CDH13: variants seen among roughly 807,000 people sequenced by gnomAD.
The protein encoded by CDH13 is cadherin-13.
In CDH13, 24 loss-of-function variants were observed where a neutral mutation model predicts 63.8. The ratio of observed to expected loss-of-function variants is 0.38; its 90% confidence interval spans 0.27 to 0.53. The LOEUF (loss-of-function observed/expected upper bound fraction) is 0.53. Among genes scored for constraint, CDH13 ranks in the 20% least tolerant of loss-of-function variants. The pLI, the probability that CDH13 is intolerant of heterozygous loss-of-function variation, is 0.85. For missense variants in CDH13, 1,049 were observed against 903.1 expected (o/e 1.16, Z -2.07); for synonymous variants, 503 against 355.3 (o/e 1.42, Z -4.67).
chr16:83,424,970 T>G (rs930836484), intron 6 of CDH13, among the ~76,000 whole-genome samples: 6 of 152,184 alleles, frequency 3.9e-5, no homozygotes, highest in African/African-American at 1.4e-4. Context: ...AACCTTTTGC[T>G]GCAACAAAAA....
chr16:83,765,150 G>A (rs1241956363), intron 11 of CDH13, among the ~76,000 whole-genome samples: 1 of 152,108 alleles, frequency 6.6e-6, no homozygotes, highest in Non-Finnish European at 1.5e-5. Context: ...ATCTGTTCCT[G>A]CCATAGCATT....
At chr16:82,877,964 T>TAC (rs1228603713) in intron 2 of CDH13, among the ~76,000 whole-genome samples, 13 of 55,120 alleles carry the variant, frequency 2.4e-4, no homozygotes, top group South Asian at 9.8e-4. Context: ...CACACACATA[T>TAC]ACACACACAC....
chr16:82,630,064 G>C (rs977499660), intron 1 of CDH13, among the ~76,000 whole-genome samples: 1 of 152,196 alleles, frequency 6.6e-6, no homozygotes, highest in African/African-American at 2.4e-5. Context: ...ATAAAGTGGG[G>C]AGTTCTCTCT....
intron 8 of CDH13, among the ~76,000 whole-genome samples, chr16:83,646,712 A>AAAAAAAAAAC (rs1168012793): frequency 1.7e-4 from 14 of 80,522 alleles, no homozygotes; most frequent in African/African-American, 3.6e-4. Context: ...AAAAAAAAAA[A>AAAAAAAAAAC]ACACACACAC....
intron 7 of CDH13, among the ~76,000 whole-genome samples, chr16:83,583,760 GAA>G (rs1164720472): frequency 6.9e-6 from 1 of 144,886 alleles, no homozygotes; most frequent in Non-Finnish European, 1.5e-5. Context: ...ATACTAAAAA[GAA>G]AAAAAAAAGC....
intron 4 of CDH13, among the ~76,000 whole-genome samples, chr16:83,181,335 G>C (rs1007044224): frequency 6.6e-6 from 1 of 152,184 alleles, no homozygotes; most frequent in Non-Finnish European, 1.5e-5. Flanking sequence ...ATTTGGATTT[G>C]ATAAGTCTGC....
At chr16:82,654,283 G>T (rs755339369) in intron 1 of CDH13, among the ~76,000 whole-genome samples, 3 of 152,114 alleles carry the variant, frequency 2.0e-5, no homozygotes, top group Non-Finnish European at 4.4e-5. Context: ...GGTGGTCTTG[G>T]TTTCTTATTC....
chr16:82,828,149 A>G (rs569862060), intron 1 of CDH13, among the ~76,000 whole-genome samples: 3 of 152,280 alleles, frequency 2.0e-5, no homozygotes, highest in Non-Finnish European at 4.4e-5. Context: ...AAGGTTTTCA[A>G]TACCATCACA....
chr16:82,741,959 T>C (rs1252362717), intron 1 of CDH13, among the ~76,000 whole-genome samples: 3 of 152,146 alleles, frequency 2.0e-5, no homozygotes, highest in South Asian at 4.1e-4. Flanking sequence ...GAAATAAAGA[T>C]GTGAAAAAAT....
At chr16:82,642,015 G>T (rs964277394) in intron 1 of CDH13, among the ~76,000 whole-genome samples, 2 of 144,260 alleles carry the variant, frequency 1.4e-5, no homozygotes, top group Non-Finnish European at 3.0e-5. Flanking sequence ...CCCAAACCCA[G>T]TTCTTCCATT....
chr16:82,732,953 G>A (rs2033478624), intron 1 of CDH13, among the ~76,000 whole-genome samples: 1 of 152,178 alleles, frequency 6.6e-6, no homozygotes, highest in Non-Finnish European at 1.5e-5. Flanking sequence ...AAAGACAAAT[G>A]GAGTTGAAGC....
rs145746056 is a variant in CDH13 at position 83,257,949 on chromosome 16, A to G, written c.636+40452A>G. On this transcript the variant is annotated intron_variant, in intron 5 of 13. Transcript: ENST00000567109. ...GCATCTGTTATTTTTTGACTTTTTA[A>G]TATTAGTCATTCTAACTGGTGTGAG... Among the ~76,000 whole-genome samples the G allele has an allele frequency of 3.3e-5, 5 of 152,244 alleles. No homozygotes were observed. In the East Asian group the frequency reaches 9.7e-4, roughly 29 times the overall value.
At chr16:83,582,061 C>A (rs1363060827) in intron 7 of CDH13, among the ~76,000 whole-genome samples, 3 of 152,092 alleles carry the variant, frequency 2.0e-5, no homozygotes. Context: ...ATGGATGACC[C>A]CTCTCTGAGC....
chr16:83,548,433 G>A (rs2075428934), intron 7 of CDH13, among the ~76,000 whole-genome samples: 1 of 152,176 alleles, frequency 6.6e-6, no homozygotes, highest in South Asian at 2.1e-4. Context: ...TCCCCCAACA[G>A]CAAAGCTTTA....
At chr16:82,804,025 C>T (rs546216732) in intron 1 of CDH13, among the ~76,000 whole-genome samples, 3 of 152,196 alleles carry the variant, frequency 2.0e-5, no homozygotes, top group African/African-American at 7.2e-5. Context: ...GTCAAGAGAT[C>T]GAGACCAGCC....
intron 10 of CDH13, among the ~76,000 whole-genome samples, chr16:83,737,496 A>T (rs956434785): frequency 6.6e-6 from 1 of 152,066 alleles, no homozygotes; most frequent in African/African-American, 2.4e-5. Context: ...CTTTATATCT[A>T]TGTAATAGGG....
rs530507552 is a variant in CDH13, at chr16:82,895,321, C to A, written c.157+36848C>A. Reference sequence around the variant, plus strand: ...CACATATACTCAATTGTGTCCTTCCCTGGCTTGTTACCCTCCCTCCTTCAT... The same window carrying A: ...CACATATACTCAATTGTGTCCTTCCATGGCTTGTTACCCTCCCTCCTTCAT... On this transcript the variant is annotated intron_variant, in intron 2 of 13. Transcript: ENST00000567109. Among the ~76,000 whole-genome samples the A allele has an allele frequency of 2.3e-3, 343 of 152,298 alleles. 1 individual carries two copies. The highest frequency in any genetic ancestry group is 3.8e-3 in the Non-Finnish European group (257 of 68,030).
intron 7 of CDH13, among the ~76,000 whole-genome samples, chr16:83,489,810 A>C (rs1409856951): frequency 6.6e-6 from 1 of 152,176 alleles, no homozygotes; most frequent in Non-Finnish European, 1.5e-5. Context: ...AAAAACATTT[A>C]ATACAGACTT....
chr16:82,711,152 C>T (rs560180014), intron 1 of CDH13, among the ~76,000 whole-genome samples: 7 of 152,036 alleles, frequency 4.6e-5, no homozygotes, highest in East Asian at 1.9e-4. Context: ...ATGAAAGGGC[C>T]GCGTGGCAGT....
Sources: gnomAD v4.1 joint callset for allele counts (sites outside exome capture counted in the v4.1 genomes callset) on GRCh38, gnomAD v4.1.1 for gene constraint, MANE v1.5 for transcripts, NCBI Gene and HGNC (gene_info 2026-07-23, HGNC 2026-07-21) for gene names.